RAD18: variants seen among roughly 807,000 people sequenced by gnomAD.
The protein encoded by RAD18 is RAD18 E3 ubiquitin protein ligase.
In RAD18, 47 loss-of-function variants were observed where a neutral mutation model predicts 60.4. The ratio of observed to expected loss-of-function variants is 0.78; its 90% CI spans 0.62 to 0.99. The LOEUF (loss-of-function observed/expected upper bound fraction) is 0.99, where lower values mean the gene tolerates loss of function less well. Among genes scored for constraint, RAD18 ranks in the 50% least tolerant of loss-of-function variants. The pLI is 0.00. For missense variants in RAD18, 640 were observed against 593.3 expected, an observed-to-expected ratio of 1.08 and a Z score of -0.82; for synonymous variants, 225 against 195.5, an observed-to-expected ratio of 1.15 and a Z score of -1.26.
intron 7 of RAD18, among the ~76,000 whole-genome samples, chr3:8,930,805 A>G (rs1376994935): frequency 6.6e-6 from 1 of 152,198 alleles, no homozygotes; most frequent in Non-Finnish European, 1.5e-5. Context: ...TTCCAGAATT[A>G]AAAGAACATA....
In RAD18 at chr3:8,936,074, A is replaced by C. The variant is rs7610024; in HGVS notation, c.705-19T>G. 29,679 of 1,464,754 alleles carry C rather than the reference A, an allele frequency of 0.02. 3,998 individuals are homozygous for C. In the African/African-American group the frequency reaches 0.33, roughly 16 times the overall value. The allele number at this position is 1,464,754 out of a possible 1,614,324, so 90.7% of individuals were successfully genotyped here. Reference sequence around the variant, plus strand: ...AACAGAACTGAAAAGGGGGGAAGATACCTGATGATTATTGTGAATTATCAA... The same window carrying C: ...AACAGAACTGAAAAGGGGGGAAGATCCCTGATGATTATTGTGAATTATCAA... On this transcript the variant is annotated intron_variant, in intron 6 of 12. Coordinates refer to ENST00000264926, the MANE Select transcript of RAD18 (RefSeq NM_020165.4).
chr3:8,922,248 A>C (rs578931), intron 7 of RAD18, among the ~76,000 whole-genome samples: 1 of 152,074 alleles, frequency 6.6e-6, no homozygotes. Flanking sequence ...CTACTACTGC[A>C]CTTCTCCAAC....
intron 7 of RAD18, among the ~76,000 whole-genome samples, chr3:8,917,059 T>C (rs750849420): frequency 6.6e-5 from 10 of 151,836 alleles, no homozygotes; most frequent in Non-Finnish European, 1.2e-4. Flanking sequence ...AAAGACAAAA[T>C]CATGTGGCCA....
rs772581373 is a variant in RAD18, at chr3:8,902,416, C to G, written c.1132G>C (p.Asp378His). 29 of 1,609,018 alleles carry G rather than the reference C, an allele frequency of 1.8e-5. No individual in the cohort carries two copies. The highest frequency in any genetic ancestry group is 2.0e-5 in the Non-Finnish European group (24 of 1,177,158). The change falls in exon 10 of 13, where the codon GAT (aspartate) becomes CAT (histidine). Residue 378 changes from aspartate (D) to histidine (H), a missense_variant. Transcript: ENST00000264926. ...GAAGATAGCTTTTCTGTAGATTCAT[C>G]TTCTTTTGTTATTGTTACTGTTTTT... ...SQKTVTITKE[D>H]ESTEKLSSVC...
At chr3:8,913,968 A>AAGTCG (rs1940154016) in intron 7 of RAD18, among the ~76,000 whole-genome samples, 1 of 152,038 alleles carries the variant, frequency 6.6e-6, no homozygotes, top group East Asian at 1.9e-4. Context: ...CACAAGAGTC[A>AAGTCG]AGTCATTTTG....
At chr3:8,961,797 G>T (rs1941098147) in intron 1 of RAD18, among the ~76,000 whole-genome samples, 1 of 152,146 alleles carries the variant, frequency 6.6e-6, no homozygotes, top group Non-Finnish European at 1.5e-5. Flanking sequence ...ATTCAGTGCT[G>T]TGGTGAGATA....
chr3:8,911,576 GC>G (rs1339838857), intron 9 of RAD18, among the ~76,000 whole-genome samples: 3 of 151,276 alleles, frequency 2.0e-5, no homozygotes, highest in Non-Finnish European at 4.4e-5. Context: ...CAAGGCACAG[GC>G]AATCACACCT....
At chr3:8,917,216 C>A (rs1940219002) in intron 7 of RAD18, among the ~76,000 whole-genome samples, 1 of 152,100 alleles carries the variant, frequency 6.6e-6, no homozygotes, top group Non-Finnish European at 1.5e-5. Flanking sequence ...ATAAAAATAT[C>A]TTTCAAAAGT....
In RAD18 at chr3:8,901,841, A is replaced by G. The variant is rs76480999; in HGVS notation, c.1168+539T>C. 4.8e-3 allele frequency among the ~76,000 whole-genome samples: 725 copies of G among 152,362 alleles called. 4 individuals are homozygous for G. Among genetic ancestry groups the G allele is most frequent in the Non-Finnish European group, 8.0e-3 (544 of 68,024 alleles). ...TTTTACCACAATATAGAAAAACATAATAAGCAATTTTCTTGCGCACTTTCC... is the reference window on the plus strand; with the variant it reads ...TTTTACCACAATATAGAAAAACATAGTAAGCAATTTTCTTGCGCACTTTCC... On this transcript the variant is annotated intron_variant, in intron 10 of 12. Coordinates refer to ENST00000264926, the MANE Select transcript of RAD18 (RefSeq NM_020165.4).
At chr3:8,915,125 G>T (rs1406072781) in intron 7 of RAD18, among the ~76,000 whole-genome samples, 3 of 124,904 alleles carry the variant, frequency 2.4e-5, no homozygotes, top group African/African-American at 9.0e-5. Context: ...CTCCAGCCCA[G>T]CGACAAAGCG....
chr3:8,932,239 A>C (rs2125063542), intron 7 of RAD18, among the ~76,000 whole-genome samples: 1 of 152,304 alleles, frequency 6.6e-6, no homozygotes. Flanking sequence ...GAAAATGACA[A>C]GGTAAGCCAC....
At chr3:8,890,763 A>C (rs966053766) in intron 11 of RAD18, among the ~76,000 whole-genome samples, 43 of 152,086 alleles carry the variant, frequency 2.8e-4, no homozygotes, top group African/African-American at 1.0e-3. Flanking sequence ...AGTTGTTCTA[A>C]ACCCTTCTAT....
chr3:8,896,963 T>A (rs1239534219), intron 11 of RAD18, among the ~76,000 whole-genome samples: 2 of 151,972 alleles, frequency 1.3e-5, no homozygotes, highest in South Asian at 2.1e-4. Flanking sequence ...AAAAAAAAAA[T>A]AAGAACATTA....
intron 7 of RAD18, among the ~76,000 whole-genome samples, chr3:8,922,395 T>A (rs916977805): frequency 1.3e-5 from 2 of 151,960 alleles, no homozygotes; most frequent in Non-Finnish European, 2.9e-5. Context: ...GGGGGAGGGG[T>A]GCCTGCCATT....
Position 8,879,374 on chromosome 3 carries a change from C to G in RAD18, c.*1983G>C, listed in dbSNP as rs1939418281. On this transcript the variant is annotated 3_prime_UTR_variant, in exon 13 of 13. Coordinates refer to ENST00000264926, the MANE Select transcript of RAD18 (RefSeq NM_020165.4). ...CTGCTGTCCCTACAAGAAATCGGGA[C>G]ACCAGTCCTGCACAGTCATGTGCAC... 1 of 152,286 alleles carries G rather than the reference C, an allele frequency of 6.6e-6. No homozygotes were observed. The highest frequency in any genetic ancestry group is 2.4e-5 in the African/African-American group (1 of 41,564). 9.4% of individuals were successfully genotyped at this position (152,286 alleles called of 1,614,324 possible). A position where few individuals can be genotyped will look rare whatever the true frequency, so the allele number is the denominator to read the frequency against.
chr3:8,952,469 T>A (rs1309100513), intron 2 of RAD18, among the ~76,000 whole-genome samples: 1 of 152,252 alleles, frequency 6.6e-6, no homozygotes, highest in Non-Finnish European at 1.5e-5. Flanking sequence ...TTTCCCAGGC[T>A]GTATCCCCAG....
intron 9 of RAD18, among the ~76,000 whole-genome samples, chr3:8,905,287 T>C (rs1486266619): frequency 6.6e-6 from 1 of 152,168 alleles, no homozygotes; most frequent in Non-Finnish European, 1.5e-5. Flanking sequence ...CCTTTGTGCC[T>C]CTCTAAGTTT....
At chr3:8,959,818 G>C (rs1941067330) in intron 1 of RAD18, among the ~76,000 whole-genome samples, 1 of 149,096 alleles carries the variant, frequency 6.7e-6, no homozygotes, top group Non-Finnish European at 1.5e-5. Flanking sequence ...GGAGGCGTAG[G>C]TTGCAGTGAG....
At position 8,912,314 on chromosome 3, in the gene RAD18, T is replaced by C; in HGVS notation, c.1025A>G (p.Tyr342Cys). 1.3e-6 allele frequency: 2 copies of C among 1,558,460 alleles called. No homozygotes were observed. Among genetic ancestry groups the C allele is most frequent in the Non-Finnish European group, 1.7e-6 (2 of 1,152,852 alleles). ...EKEIDEIHSKYRKKHKSEFQL... is the reference protein window; with the variant it reads ...EKEIDEIHSKCRKKHKSEFQL... ...TTAAATAAAGTCGTGCAACTTACGA[T>C]ATTTACTGTGGATTTCATCTATTTC... The change falls in exon 9 of 13, where the codon TAT becomes TGT. Residue 342 changes from tyrosine to cysteine, a missense_variant and splice_region_variant. Physicochemically the swap from Tyr to Cys is radical, Grantham distance 194. Transcript: ENST00000264926.
Sources: allele counts gnomAD v4.1 joint callset (sites outside exome capture counted in the v4.1 genomes callset), GRCh38; gene constraint gnomAD v4.1.1; transcripts MANE v1.5; gene names NCBI Gene and HGNC (gene_info 2026-07-23, HGNC 2026-07-21).